The following RAP1A variants were observed in gnomAD, a reference collection of about 807,000 sequenced individuals.
RAP1A encodes ras-related protein Rap-1A.
In RAP1A, 6 loss-of-function variants were observed where a neutral mutation model predicts 26.4. That is an observed-to-expected ratio of 0.23 (90% CI 0.12 to 0.45). The LOEUF is 0.45. Among genes scored for constraint, RAP1A ranks in the 20% least tolerant of loss-of-function variants. The pLI, the probability that RAP1A is intolerant of heterozygous loss-of-function variation, is 0.99. For synonymous variants in RAP1A, 73 were observed against 79.4 expected, an observed-to-expected ratio of 0.92 and a Z score of 0.43; for missense variants, 121 against 217.2, an observed-to-expected ratio of 0.56 and a Z score of 2.78.
chr1:111,674,376 C>G (rs1661063541), intron 1 of RAP1A, among the ~76,000 whole-genome samples: 1 of 151,908 alleles, frequency 6.6e-6, no homozygotes, highest in African/African-American at 2.4e-5. Context: ...CTCACTCTAC[C>G]TTTTCAAAAA....
At chr1:111,569,128 C>T (rs1657985861) in intron 1 of RAP1A, among the ~76,000 whole-genome samples, 1 of 152,078 alleles carries the variant, frequency 6.6e-6, no homozygotes, top group African/African-American at 2.4e-5. Context: ...GGAGGCCGGG[C>T]ATGGTGGCTC....
intron 7 of RAP1A, among the ~76,000 whole-genome samples, chr1:111,712,049 G>T (rs189514391): frequency 2.0e-5 from 3 of 152,122 alleles, no homozygotes; most frequent in East Asian, 3.9e-4. Context: ...AGGCAGGTGT[G>T]TCCTTCAGTA....
chr1:111,613,817 C>T (rs1309008199), intron 1 of RAP1A, among the ~76,000 whole-genome samples: 2 of 152,180 alleles, frequency 1.3e-5, no homozygotes, highest in Admixed American at 6.5e-5. Context: ...ATTTTGTGGA[C>T]CAGCATCAAC....
intron 2 of RAP1A, among the ~76,000 whole-genome samples, chr1:111,693,356 G>T (rs1483522630): frequency 6.6e-6 from 1 of 152,032 alleles, no homozygotes; most frequent in East Asian, 1.9e-4. Flanking sequence ...GAGATATTGG[G>T]GTTAAGGGAG....
At chr1:111,545,995 G>T (rs559514061) in intron 1 of RAP1A, among the ~76,000 whole-genome samples, 2 of 152,084 alleles carry the variant, frequency 1.3e-5, no homozygotes, top group African/African-American at 4.8e-5. Context: ...AGCCTTATGC[G>T]AGTACCATAC....
chr1:111,696,841 A>G (rs920796690), intron 3 of RAP1A, among the ~76,000 whole-genome samples: 3 of 152,206 alleles, frequency 2.0e-5, no homozygotes, highest in Non-Finnish European at 4.4e-5. Flanking sequence ...CACCTTTCAC[A>G]TAGAGCTTTT....
chr1:111,641,714 T>C (rs1659897393), intron 1 of RAP1A, among the ~76,000 whole-genome samples: 1 of 152,172 alleles, frequency 6.6e-6, no homozygotes, highest in South Asian at 2.1e-4. Context: ...ACCACAGATT[T>C]CTAATTTATT....
chr1:111,589,856 C>G (rs535191727), intron 1 of RAP1A, among the ~76,000 whole-genome samples: 2 of 152,210 alleles, frequency 1.3e-5, no homozygotes, highest in African/African-American at 4.8e-5. Flanking sequence ...ATCACTTGAA[C>G]TCAAGTGATC....
At chr1:111,634,666 G>C (rs1026473008) in intron 1 of RAP1A, among the ~76,000 whole-genome samples, 5 of 151,258 alleles carry the variant, frequency 3.3e-5, no homozygotes, top group African/African-American at 9.7e-5. Flanking sequence ...ATTTTTTCGA[G>C]ATGGAGTCTC....
At chr1:111,607,665 G>A (rs562521722) in intron 1 of RAP1A, among the ~76,000 whole-genome samples, 1 of 145,880 alleles carries the variant, frequency 6.9e-6, no homozygotes, top group African/African-American at 2.5e-5. Flanking sequence ...GTCCCTCCCG[G>A]ACGGGGCGGC....
At chr1:111,691,166 A>G (rs1661654010) in intron 1 of RAP1A, among the ~76,000 whole-genome samples, 168 bp from the exon 2 acceptor site, 1 of 152,214 alleles carries the variant, frequency 6.6e-6, no homozygotes, top group Non-Finnish European at 1.5e-5. Flanking sequence ...AAGTAATCCT[A>G]TAAACTTATG....
intron 1 of RAP1A, among the ~76,000 whole-genome samples, chr1:111,586,445 T>C (rs1396776264): frequency 6.6e-6 from 1 of 152,172 alleles, no homozygotes. Flanking sequence ...TGGCCATGCA[T>C]GGTGGCATGC....
intron 1 of RAP1A, among the ~76,000 whole-genome samples, chr1:111,672,946 T>C (rs1251548677): frequency 6.6e-6 from 1 of 152,218 alleles, no homozygotes; most frequent in Admixed American, 6.5e-5. Context: ...GAAATGTTAT[T>C]CTGCTGTTAC....
intron 1 of RAP1A, among the ~76,000 whole-genome samples, chr1:111,581,931 G>A (rs1002291161): frequency 6.6e-6 from 1 of 152,220 alleles, no homozygotes; most frequent in Non-Finnish European, 1.5e-5. Context: ...TCTGGTGAGT[G>A]AGATATTAGC....
chr1:111,656,069 A>G (rs1347660431), intron 1 of RAP1A, among the ~76,000 whole-genome samples: 1 of 152,192 alleles, frequency 6.6e-6, no homozygotes, highest in Non-Finnish European at 1.5e-5. Flanking sequence ...AGTGTATTAT[A>G]TAAATAAAGA....
chr1:111,631,934 T>C (rs1383575797), intron 1 of RAP1A, among the ~76,000 whole-genome samples: 1 of 152,150 alleles, frequency 6.6e-6, no homozygotes, highest in Admixed American at 6.5e-5. Context: ...TGCACCATAG[T>C]GTTCATTATC....
intron 1 of RAP1A, among the ~76,000 whole-genome samples, chr1:111,584,959 T>C (rs1289267035): frequency 1.3e-5 from 2 of 152,216 alleles, no homozygotes; most frequent in Non-Finnish European, 2.9e-5. Context: ...TCTTTCATCT[T>C]CATTTTCACA....
intron 1 of RAP1A, among the ~76,000 whole-genome samples, chr1:111,568,782 G>GC (rs1326421763): frequency 6.6e-6 from 1 of 151,584 alleles, no homozygotes; most frequent in Non-Finnish European, 1.5e-5. Context: ...CATCTCTTCC[G>GC]CCCCTGCCAC....
intron 1 of RAP1A, among the ~76,000 whole-genome samples, chr1:111,626,474 C>T (rs754070496): frequency 6.6e-5 from 10 of 151,928 alleles, no homozygotes; most frequent in South Asian, 6.2e-4. Flanking sequence ...CTCTGTTTAA[C>T]GTCAGAAGTT....
Sources: allele counts gnomAD v4.1 joint callset (sites outside exome capture counted in the v4.1 genomes callset), GRCh38; gene constraint gnomAD v4.1.1; transcripts MANE v1.5; gene names NCBI Gene and HGNC (gene_info 2026-07-23, HGNC 2026-07-21).